Variants in TMEM132D observed in about 807,000 individuals in gnomAD.
The protein encoded by TMEM132D is mature OL transmembrane protein.
In TMEM132D, 21 loss-of-function variants were observed where a neutral mutation model predicts 62.3. The ratio of observed to expected loss-of-function variants is 0.34; its 90% CI spans 0.24 to 0.49. The LOEUF (loss-of-function observed/expected upper bound fraction) is 0.49, where lower values mean the gene tolerates loss of function less well. TMEM132D is among the 20% of genes least tolerant of loss of function. The pLI is 0.99. For synonymous variants in TMEM132D, 621 were observed against 575.6 expected, an observed-to-expected ratio of 1.08 and a Z score of -1.13; for missense variants, 1,346 against 1,402.8, an observed-to-expected ratio of 0.96 and a Z score of 0.65.
intron 1 of TMEM132D, among the ~76,000 whole-genome samples, chr12:129,816,074 G>A (rs909159433): frequency 2.6e-5 from 4 of 152,314 alleles, no homozygotes; most frequent in Admixed American, 2.0e-4. Context: ...TCCGCTCATG[G>A]TGTGCACTTG....
At chr12:129,317,008 CTTTAAG>C (rs756357086) in intron 4 of TMEM132D, among the ~76,000 whole-genome samples, 7 of 152,058 alleles carry the variant, frequency 4.6e-5, no homozygotes, top group Admixed American at 6.6e-5. Flanking sequence ...CACTCCTTTA[CTTTAAG>C]TTTATGTGAG....
chr12:129,351,503 C>A (rs564726182), intron 3 of TMEM132D, among the ~76,000 whole-genome samples: 1 of 152,144 alleles, frequency 6.6e-6, no homozygotes, highest in Non-Finnish European at 1.5e-5. Flanking sequence ...ATTTTAACAG[C>A]GGCCCAAGAG....
chr12:129,165,240 A>G (rs1268183996), intron 5 of TMEM132D, among the ~76,000 whole-genome samples: 1 of 152,300 alleles, frequency 6.6e-6, no homozygotes, highest in Admixed American at 6.5e-5. Flanking sequence ...GAGCTGAAAG[A>G]ACTTTCTGCA....
chr12:129,714,931 G>C (rs73434142), intron 1 of TMEM132D, among the ~76,000 whole-genome samples: 1 of 152,114 alleles, frequency 6.6e-6, no homozygotes, highest in East Asian at 1.9e-4. Flanking sequence ...ACTTTATCTC[G>C]TCTCCAGCCT....
intron 1 of TMEM132D, among the ~76,000 whole-genome samples, chr12:129,750,934 T>C (rs1392630902): frequency 1.3e-5 from 2 of 152,162 alleles, no homozygotes; most frequent in African/African-American, 2.4e-5. Flanking sequence ...ACCCCATAAA[T>C]ATGTACAATT....
At chr12:129,684,577 GA>G (rs1880861533) in intron 2 of TMEM132D, among the ~76,000 whole-genome samples, 2 of 151,984 alleles carry the variant, frequency 1.3e-5, no homozygotes. Flanking sequence ...AAAGATATCT[GA>G]AAATGTGGAA....
chr12:129,537,498 T>C (rs1876430398), intron 2 of TMEM132D, among the ~76,000 whole-genome samples: 1 of 152,156 alleles, frequency 6.6e-6, no homozygotes, highest in Non-Finnish European at 1.5e-5. Flanking sequence ...TTCATGTCAA[T>C]ATTCACATGG....
At chr12:129,793,376 T>A in intron 1 of TMEM132D, among the ~76,000 whole-genome samples, 1 of 152,196 alleles carries the variant, frequency 6.6e-6, no homozygotes, top group East Asian at 1.9e-4. Context: ...TAGGAATTTT[T>A]ACTATTATTT....
chr12:129,389,410 T>C (rs59367421), intron 3 of TMEM132D, among the ~76,000 whole-genome samples: 16,304 of 151,862 alleles, frequency 0.11, 1,314 homozygotes, highest in African/African-American at 0.22. Flanking sequence ...AACACCCACA[T>C]CAATACTAAC....
intron 1 of TMEM132D, among the ~76,000 whole-genome samples, chr12:129,765,985 T>C (rs549805672): frequency 6.6e-6 from 1 of 152,304 alleles, no homozygotes; most frequent in East Asian, 1.9e-4. Context: ...CCTGATTTCC[T>C]TGTGGATGGG....
chr12:129,756,518 G>T (rs1446335180), intron 1 of TMEM132D, among the ~76,000 whole-genome samples: 1 of 152,154 alleles, frequency 6.6e-6, no homozygotes, highest in Non-Finnish European at 1.5e-5. Context: ...GTCAAGGGCT[G>T]GGGAAGTCGT....
At chr12:129,580,112 G>A (rs533780247) in intron 2 of TMEM132D, among the ~76,000 whole-genome samples, 14 of 152,272 alleles carry the variant, frequency 9.2e-5, no homozygotes, top group African/African-American at 2.6e-4. Context: ...CTTGAGGAAC[G>A]AAAGGAAGGG....
chr12:129,367,787 T>C (rs1320003365), intron 3 of TMEM132D, among the ~76,000 whole-genome samples: 1 of 149,426 alleles, frequency 6.7e-6, no homozygotes, highest in Admixed American at 6.6e-5. Context: ...CTTTTTTTTT[T>C]TTTTTTTCGT....
At chr12:129,410,275 T>C (rs2135705387) in intron 3 of TMEM132D, among the ~76,000 whole-genome samples, 1 of 152,342 alleles carries the variant, frequency 6.6e-6, no homozygotes, top group East Asian at 1.9e-4. Flanking sequence ...GCATGCAACA[T>C]TAGTGTATTC....
chr12:129,556,364 C>A (rs1231956651), intron 2 of TMEM132D, among the ~76,000 whole-genome samples: 1 of 152,128 alleles, frequency 6.6e-6, no homozygotes, highest in Non-Finnish European at 1.5e-5. Flanking sequence ...GAGGCAGGTC[C>A]CGAAGACTCT....
At chr12:129,579,969 G>T (rs1281293900) in intron 2 of TMEM132D, among the ~76,000 whole-genome samples, 3 of 152,192 alleles carry the variant, frequency 2.0e-5, no homozygotes, top group African/African-American at 7.2e-5. Context: ...GAGGGAGAGG[G>T]ACTAGCAAGA....
intron 3 of TMEM132D, among the ~76,000 whole-genome samples, chr12:129,381,591 A>T (rs10773646): frequency 1.3e-5 from 2 of 152,062 alleles, no homozygotes; most frequent in African/African-American, 2.4e-5. Context: ...TTTCCCCAAC[A>T]TTCTGTGGCT....
chr12:129,237,679 C>T (rs1879821994), intron 4 of TMEM132D, among the ~76,000 whole-genome samples: 1 of 152,062 alleles, frequency 6.6e-6, no homozygotes, highest in Non-Finnish European at 1.5e-5. Flanking sequence ...TTTATGTGCA[C>T]TTAAAAATTT....
chr12:129,772,432 A>G (rs1388608257), intron 1 of TMEM132D, among the ~76,000 whole-genome samples: 1 of 152,190 alleles, frequency 6.6e-6, no homozygotes, highest in East Asian at 1.9e-4. Context: ...ATAGGGGGGA[A>G]AAGTTGCATA....
Sources: gnomAD v4.1 joint callset for allele counts (sites outside exome capture counted in the v4.1 genomes callset) on GRCh38, gnomAD v4.1.1 for gene constraint, MANE v1.5 for transcripts, NCBI Gene and HGNC (gene_info 2026-07-23, HGNC 2026-07-21) for gene names.